SRGAP3: variants seen among roughly 807,000 people sequenced by gnomAD.
SRGAP3 encodes SLIT-ROBO Rho GTPase activating protein 3.
Under a neutral mutation model 121.1 loss-of-function variants are expected in SRGAP3, and 39 were observed. The ratio of observed to expected loss-of-function variants is 0.32; its 90% CI spans 0.25 to 0.42. The LOEUF is 0.42. SRGAP3 is among the 10% of genes least tolerant of loss of function. The pLI, the probability that SRGAP3 is intolerant of heterozygous loss-of-function variation, is 1.00. For missense variants in SRGAP3, 1,213 were observed against 1,470.6 expected (o/e 0.82, Z 2.86); for synonymous variants, 601 against 570.0 (o/e 1.05, Z -0.77).
intron 1 of SRGAP3, among the ~76,000 whole-genome samples, chr3:9,352,774 A>C (rs908720525): frequency 1.3e-5 from 2 of 152,196 alleles, no homozygotes; most frequent in African/African-American, 4.8e-5. Flanking sequence ...ACTTTAGGCC[A>C]GTTAGTTAGC....
chr3:9,148,241 A>G (rs981332825), intron 1 of SRGAP3, among the ~76,000 whole-genome samples: 2 of 122,668 alleles, frequency 1.6e-5, no homozygotes, highest in Non-Finnish European at 3.4e-5. Flanking sequence ...CTTTTATTTC[A>G]GGGACTGGAA....
At chr3:9,323,268 T>A (rs1398585605) in intron 3 of SRGAP3, among the ~76,000 whole-genome samples, 1 of 151,912 alleles carries the variant, frequency 6.6e-6, no homozygotes, top group Non-Finnish European at 1.5e-5. Flanking sequence ...TACATGAATC[T>A]GTGTATGTGT....
intron 4 of SRGAP3, among the ~76,000 whole-genome samples, chr3:9,068,122 C>T (rs573096207): frequency 1.3e-5 from 2 of 152,278 alleles, no homozygotes; most frequent in African/African-American, 2.4e-5. Flanking sequence ...TCCCCGTCTG[C>T]GTTCAATGAT....
chr3:9,293,838 A>T (rs569248698), intron 3 of SRGAP3, among the ~76,000 whole-genome samples: 33 of 152,332 alleles, frequency 2.2e-4, no homozygotes, highest in Non-Finnish European at 4.4e-4. Context: ...AAAAAATAAC[A>T]GATGCTGGAG....
chr3:9,286,389 G>A (rs983829153), intron 3 of SRGAP3, among the ~76,000 whole-genome samples: 2 of 150,996 alleles, frequency 1.3e-5, no homozygotes, highest in Non-Finnish European at 3.0e-5. Context: ...GGCTGGGCAC[G>A]GTGGCTCACA....
intron 1 of SRGAP3, among the ~76,000 whole-genome samples, chr3:9,346,465 GGTT>G (rs1955892948): frequency 6.6e-6 from 1 of 151,888 alleles, no homozygotes. Context: ...TGCCATTTTT[GGTT>G]GTTATTTTGT....
chr3:9,259,082 A>G (rs767290617), intron 3 of SRGAP3, among the ~76,000 whole-genome samples: 3 of 151,604 alleles, frequency 2.0e-5, no homozygotes, highest in Non-Finnish European at 4.4e-5. Flanking sequence ...GCCTTCTTAT[A>G]TTTCTGCAGT....
chr3:9,159,363 G>C (rs978677094), intron 1 of SRGAP3, among the ~76,000 whole-genome samples: 103 of 152,008 alleles, frequency 6.8e-4, no homozygotes, highest in African/African-American at 2.4e-3. Flanking sequence ...TACCTCCCCC[G>C]GCCAGCTCGC....
chr3:9,331,335 A>G (rs1236317872), intron 1 of SRGAP3, among the ~76,000 whole-genome samples: 1 of 152,158 alleles, frequency 6.6e-6, no homozygotes, highest in Admixed American at 6.5e-5. Context: ...TATTATTCCT[A>G]CTTTAAAGAT....
At chr3:8,990,950 G>A in intron 20 of SRGAP3, 111 bp from the exon 21 acceptor site, 2 of 965,412 alleles carry the variant, frequency 2.1e-6, no homozygotes, top group East Asian at 2.7e-5. Context: ...TAAGGAGCGG[G>A]TACAGTAAAG....
Position 9,295,647 on chromosome 3 carries a change from AT to A in SRGAP3, n.442+30362del, listed in dbSNP as rs1954940483. ...TCTATCGTGGTAAAATACACATAAC[AT>A]AAATTTTACCATTTTAACCATTTTT... On this transcript the variant is annotated intron_variant and non_coding_transcript_variant, in intron 3 of 3. Transcript: ENST00000490889. 9.8e-5 allele frequency among the ~76,000 whole-genome samples: 5 copies of A among 51,152 alleles called. No homozygotes were observed. The South Asian group carries it at 1.7e-3, about 17-fold the overall frequency. The allele number at this position is 51,152 out of a possible 152,430, so 33.6% of individuals were successfully genotyped here. A position where few individuals can be genotyped will look rare whatever the true frequency, so the allele number is the denominator to read the frequency against.
intron 5 of SRGAP3, 80 bp downstream of exon 5, chr3:9,064,316 G>C (rs1277197505): frequency 1.3e-6 from 2 of 1,593,736 alleles, no homozygotes; most frequent in African/African-American, 2.7e-5. Context: ...AAGGGGGAAG[G>C]CTAAGGCTGT....
intron 3 of SRGAP3, among the ~76,000 whole-genome samples, chr3:9,310,858 T>C (rs966873033): frequency 6.6e-6 from 1 of 152,134 alleles, no homozygotes; most frequent in African/African-American, 2.4e-5. Context: ...TTACCTGCAA[T>C]CTAAAGATTC....
rs1379623558 is a variant in SRGAP3, at chr3:8,985,693, G to T, written c.3126C>A (p.Ala1042=). 4 of 1,597,618 alleles carry T rather than the reference G, an allele frequency of 2.5e-6. No homozygotes were observed. The highest frequency in any genetic ancestry group is 3.3e-5 in the Admixed American group (2 of 59,982). ...STEMMTTFKP[A]LSARLAGAQL... is the part of the protein sequence containing the mutation. ...GGGCGCCAGCCAGGCGGGCGGACAG[G>T]GCTGGCTTGAAGGTGGTCATCATCT... The change falls in exon 22 of 22, where the codon GCC becomes GCA. Residue 1042 remains alanine (A), a synonymous_variant. Transcript: ENST00000383836. This position sits in a 1 kb window ranked among gnomAD's most constrained non-coding sequence, Gnocchi z 5.1.
intron 3 of SRGAP3, among the ~76,000 whole-genome samples, chr3:9,104,162 G>C (rs1272705198): frequency 6.6e-6 from 1 of 152,166 alleles, no homozygotes; most frequent in Admixed American, 6.5e-5. Flanking sequence ...ATGTAATAGA[G>C]TGTTACGTAA....
At chr3:9,235,031 C>G (rs1299003937) in intron 1 of SRGAP3, among the ~76,000 whole-genome samples, 2 of 152,078 alleles carry the variant, frequency 1.3e-5, no homozygotes, top group Non-Finnish European at 2.9e-5. Context: ...GATGAGTTAG[C>G]TCAGTTCCCC....
chr3:9,085,684 A>G (rs1264869539), intron 3 of SRGAP3, among the ~76,000 whole-genome samples: 1 of 152,250 alleles, frequency 6.6e-6, no homozygotes, highest in Non-Finnish European at 1.5e-5. Context: ...GCTGGAAGCC[A>G]TTATACTTAG....
At chr3:9,238,811 C>A (rs992758940) in intron 1 of SRGAP3, among the ~76,000 whole-genome samples, 1 of 152,100 alleles carries the variant, frequency 6.6e-6, no homozygotes, top group African/African-American at 2.4e-5. Context: ...GGTGTGTGAG[C>A]AGCAGAATCG....
chr3:9,147,726 G>A (rs905233647), intron 1 of SRGAP3, among the ~76,000 whole-genome samples: 1 of 152,222 alleles, frequency 6.6e-6, no homozygotes, highest in Non-Finnish European at 1.5e-5. Flanking sequence ...TGCGGGAATT[G>A]GATGCATTCT....
Sources: allele counts gnomAD v4.1 joint callset (sites outside exome capture counted in the v4.1 genomes callset), GRCh38; gene constraint gnomAD v4.1.1; non-coding constraint Gnocchi (gnomAD v3.1); transcripts MANE v1.5; gene names NCBI Gene and HGNC (gene_info 2026-07-23, HGNC 2026-07-21).